KLHL7: variants seen among roughly 807,000 people sequenced by gnomAD.
KLHL7 encodes kelch-like protein 7.
A neutral mutation model predicts 67.4 loss-of-function variants in KLHL7; 44 were observed. That is an observed-to-expected ratio of 0.65 (90% confidence interval 0.51 to 0.84). The LOEUF is 0.84. Ranked by LOEUF, KLHL7 falls within the 40% of genes least tolerant of loss-of-function variation. The pLI, the probability that KLHL7 is intolerant of heterozygous loss-of-function variation, is 0.00. For missense variants in KLHL7, 362 were observed against 718.1 expected (o/e 0.50, Z 5.67); for synonymous variants, 252 against 243.3 (o/e 1.04, Z -0.33).
intron 7 of KLHL7, among the ~76,000 whole-genome samples, chr7:23,159,044 A>G (rs1784784487): frequency 6.6e-6 from 1 of 152,180 alleles, no homozygotes; most frequent in East Asian, 1.9e-4. Flanking sequence ...ATTTTTCATA[A>G]AAGCCCCCAA....
At chr7:23,161,363 A>C (rs560801390) in intron 7 of KLHL7, among the ~76,000 whole-genome samples, 1 of 152,356 alleles carries the variant, frequency 6.6e-6, no homozygotes, top group South Asian at 2.1e-4. Context: ...AGAGTATTCC[A>C]TCACAAGGAT....
At chr7:23,113,352 A>C (rs1782954033) in intron 1 of KLHL7, among the ~76,000 whole-genome samples, 1 of 152,220 alleles carries the variant, frequency 6.6e-6, no homozygotes, top group Admixed American at 6.5e-5. Context: ...GGTAAAAATG[A>C]GGAGGCTAAT....
At chr7:23,118,662 G>T (rs983429875) in intron 1 of KLHL7, among the ~76,000 whole-genome samples, 4 of 152,220 alleles carry the variant, frequency 2.6e-5, no homozygotes, top group Non-Finnish European at 5.9e-5. Flanking sequence ...AATACATTAT[G>T]AGTGAGGAAT....
intron 7 of KLHL7, among the ~76,000 whole-genome samples, chr7:23,164,582 G>A (rs553022499): frequency 6.6e-6 from 1 of 151,356 alleles, no homozygotes; most frequent in East Asian, 1.9e-4. Context: ...CCACCACTGA[G>A]TAACCTACGG....
intron 2 of KLHL7, 50 bp from the exon 3 acceptor site, chr7:23,124,638 C>A (rs1398128553): frequency 1.8e-6 from 2 of 1,136,544 alleles, no homozygotes; most frequent in South Asian, 1.2e-5. Flanking sequence ...GTTCCTCAGT[C>A]AAACTTGTGG....
chr7:23,159,328 C>T (rs768140698), intron 7 of KLHL7, among the ~76,000 whole-genome samples: 4 of 151,852 alleles, frequency 2.6e-5, no homozygotes, highest in Non-Finnish European at 5.9e-5. Flanking sequence ...CACACATGGC[C>T]ATTTAAAAAA....
intron 9 of KLHL7, among the ~76,000 whole-genome samples, chr7:23,168,993 G>T (rs1204260711): frequency 3.3e-5 from 5 of 152,120 alleles, no homozygotes; most frequent in Non-Finnish European, 7.4e-5. Flanking sequence ...AGGCATGGTG[G>T]CTCATGCCTA....
At chr7:23,123,653 C>T in intron 1 of KLHL7, 124 bp from the exon 2 acceptor site, 1 of 694,680 alleles carries the variant, frequency 1.4e-6, no homozygotes, top group Non-Finnish European at 2.5e-6. Context: ...AAATTCTGCG[C>T]TGGAAAAAGA....
rs1350881650 is a variant in KLHL7 at position 23,175,003 on chromosome 7, TA to T, written c.*711del. On this transcript the variant is annotated 3_prime_UTR_variant, in exon 11 of 11. Transcript: ENST00000339077. The stretch of plus-strand genomic sequence containing the variant: ...TTATGTCTCTGTTTTATCCAGTGGT[TA>T]AAAAAGGATTCTGCCTCTTTAGTCC... 1.1e-5 allele frequency: 5 copies of T among 448,532 alleles called. 1 individual carries two copies. Among genetic ancestry groups the T allele is most frequent in the South Asian group, 7.9e-5 (5 of 63,640 alleles). 27.8% of individuals were successfully genotyped at this position (448,532 alleles called of 1,614,324 possible).
At position 23,158,459 on chromosome 7, in the gene KLHL7, G is replaced by A. The variant is rs1025462114; in HGVS notation, c.936+6250G>A. On this transcript the variant is annotated intron_variant, in intron 7 of 10. Transcript: ENST00000339077. ...ATATGTTGACCCAGAGGTGCATTAAGAGCTGTCACCTCAGAAGTATTGAAT... is the reference window on the plus strand; with the variant it reads ...ATATGTTGACCCAGAGGTGCATTAAAAGCTGTCACCTCAGAAGTATTGAAT... Among the ~76,000 whole-genome samples the A allele has an allele frequency of 3.9e-5, 6 of 152,264 alleles. No individual in the cohort carries two copies. The South Asian group carries it at 6.2e-4, about 16-fold the overall frequency.
Position 23,144,719 on chromosome 7 carries a change from A to T in KLHL7, c.793+694A>T, listed in dbSNP as rs941000352. 2.0e-5 allele frequency among the ~76,000 whole-genome samples: 3 copies of T among 152,314 alleles called. No homozygotes were observed. The East Asian group carries it at 5.8e-4, about 29-fold the overall frequency. On this transcript the variant is annotated intron_variant, in intron 6 of 10. Coordinates refer to ENST00000339077, the MANE Select transcript of KLHL7 (RefSeq NM_001031710.3). ...CTTAATTCTTTTTGTTTGATGCAAC[A>T]TATCCTCTAAAAGGTTCCTGATAGA... is the stretch of plus-strand genomic sequence containing the variant.
chr7:23,141,378 C>A (rs1379996295), intron 5 of KLHL7, among the ~76,000 whole-genome samples: 1 of 152,190 alleles, frequency 6.6e-6, no homozygotes, highest in Admixed American at 6.5e-5. Context: ...CTTGACTGGT[C>A]ATTGCTGTCT....
At chr7:23,147,086 A>G (rs1784381660) in intron 6 of KLHL7, among the ~76,000 whole-genome samples, 1 of 146,026 alleles carries the variant, frequency 6.8e-6, no homozygotes, top group Non-Finnish European at 1.5e-5. Context: ...ATTACTTATT[A>G]ACCTGGACTT....
chr7:23,147,094 C>CTTTTTTTTTTTTT lies in KLHL7; in HGVS notation c.793+3075_793+3087dup, dbSNP rs397889904. Reference sequence around the variant, plus strand: ...TCTATGTATTACTTATTAACCTGGACTTTTTTTTTTTTTTTTTTAGACAGT... The same window carrying CTTTTTTTTTTTTT: ...TCTATGTATTACTTATTAACCTGGACTTTTTTTTTTTTTTTTTTTTTTTTTTTTTTTAGACAGT... On this transcript the variant is annotated intron_variant, in intron 6 of 10. Coordinates refer to ENST00000339077, the MANE Select transcript of KLHL7 (RefSeq NM_001031710.3). Among the ~76,000 whole-genome samples, 5 of 118,580 alleles carry CTTTTTTTTTTTTT rather than the reference C, an allele frequency of 4.2e-5. 1 individual carries two copies. Among genetic ancestry groups the CTTTTTTTTTTTTT allele is most frequent in the African/African-American group, 6.2e-5 (2 of 32,504 alleles). 77.8% of individuals were successfully genotyped at this position (118,580 alleles called of 152,430 possible). A position where few individuals can be genotyped will look rare whatever the true frequency, so the allele number is the denominator to read the frequency against.
intron 9 of KLHL7, among the ~76,000 whole-genome samples, chr7:23,168,599 A>C (rs889490328): frequency 3.3e-5 from 5 of 152,224 alleles, no homozygotes; most frequent in Non-Finnish European, 7.3e-5. Context: ...CTGACCTTGT[A>C]GTTAATGATG....
intron 5 of KLHL7, 27 bp from the exon 6 acceptor site, chr7:23,143,824 C>T: frequency 6.2e-7 from 1 of 1,612,172 alleles, no homozygotes; most frequent in Non-Finnish European, 8.5e-7. Context: ...CTTCTAAGAA[C>T]TTTACTGTGC....
At chr7:23,156,202 GAGGCAAATATTTGTATTTAT>G in intron 7 of KLHL7, 1 of 195,020 alleles carries the variant, frequency 5.1e-6, no homozygotes, top group Non-Finnish European at 1.1e-5. Context: ...TTGGTGACAG[GAGGCAAATATTTGTATTTAT>G]TGATGACTAA....
rs570358517 is a variant in KLHL7, at chr7:23,125,939, A to G, written c.442+767A>G. ...GAAACTGCAGATAGTACTGAATCCTATATATACTGTGTTTTTTATGATACA... is the reference window on the plus strand; with the variant it reads ...GAAACTGCAGATAGTACTGAATCCTGTATATACTGTGTTTTTTATGATACA... On this transcript the variant is annotated intron_variant, in intron 4 of 10. Transcript: ENST00000339077. 127 of 1,192,298 alleles carry G rather than the reference A, an allele frequency of 1.1e-4. No individual in the cohort carries two copies. In the East Asian group the frequency reaches 3.1e-3, roughly 29 times the overall value. 73.9% of individuals were successfully genotyped at this position (1,192,298 alleles called of 1,614,324 possible).
chr7:23,157,903 A>G (rs752728816), intron 7 of KLHL7, among the ~76,000 whole-genome samples: 6 of 152,172 alleles, frequency 3.9e-5, no homozygotes, highest in Non-Finnish European at 5.9e-5. Context: ...AGCTGCACAT[A>G]TTCGATTGAA....
Sources: allele counts gnomAD v4.1 joint callset (sites outside exome capture counted in the v4.1 genomes callset), GRCh38; gene constraint gnomAD v4.1.1; transcripts MANE v1.5; gene names NCBI Gene and HGNC (gene_info 2026-07-23, HGNC 2026-07-21).